Variants in KCNIP4 observed in about 807,000 individuals in gnomAD.
KCNIP4 encodes the protein Kv channel-interacting protein 4.
Under a neutral mutation model 34.0 loss-of-function variants are expected in KCNIP4, and 12 were observed. The observed-to-expected ratio is 0.35, with a 90% CI of 0.23 to 0.57. The LOEUF (loss-of-function observed/expected upper bound fraction) is 0.57. Among genes scored for constraint, KCNIP4 ranks in the 20% least tolerant of loss-of-function variants. KCNIP4 has a pLI of 0.83. For synonymous variants in KCNIP4, 124 were observed against 102.2 expected (o/e 1.21, Z -1.29); for missense variants, 238 against 311.7 (o/e 0.76, Z 1.78).
At chr4:20,955,065 T>C (rs1174035632) in intron 1 of KCNIP4, among the ~76,000 whole-genome samples, 4 of 152,074 alleles carry the variant, frequency 2.6e-5, no homozygotes, top group Non-Finnish European at 4.4e-5. Context: ...GGAAGCATAG[T>C]TCTGTGATTG....
At chr4:21,686,370 G>A (rs904067255) in intron 1 of KCNIP4, among the ~76,000 whole-genome samples, 8 of 151,942 alleles carry the variant, frequency 5.3e-5, no homozygotes, top group Non-Finnish European at 1.0e-4. Context: ...CAGCCAAGGC[G>A]GTATCTGTTT....
At chr4:20,736,761 G>A (rs914533102) in intron 5 of KCNIP4, among the ~76,000 whole-genome samples, 1 of 152,100 alleles carries the variant, frequency 6.6e-6, no homozygotes, top group African/African-American at 2.4e-5. Context: ...TATCAAGAAT[G>A]GCCACAGACC....
chr4:21,918,390 A>G (rs1728753799), intron 1 of KCNIP4, among the ~76,000 whole-genome samples: 2 of 152,188 alleles, frequency 1.3e-5, no homozygotes, highest in Admixed American at 6.5e-5. Context: ...AGATTGGACA[A>G]CTAGTTCTTT....
intron 1 of KCNIP4, among the ~76,000 whole-genome samples, chr4:21,502,947 C>A (rs997670480): frequency 6.6e-6 from 1 of 152,080 alleles, no homozygotes; most frequent in South Asian, 2.1e-4. Flanking sequence ...GGATAAACAC[C>A]TTCTGTTTTC....
chr4:21,022,968 A>G lies in KCNIP4; in HGVS notation c.62-140259T>C, dbSNP rs369128386. ...CTCCTGAGTACCTGGGATTACAGGC[A>G]CACACCACCATGCCTGGCTAATTTT... On this transcript the variant is annotated intron_variant, in intron 1 of 8. Transcript: ENST00000382152. Among the ~76,000 whole-genome samples, 306 of 152,108 alleles carry G rather than the reference A, an allele frequency of 2.0e-3. 7 individuals carry two copies. The South Asian group carries it at 0.053, about 26-fold the overall frequency.
At chr4:20,744,149 T>G (rs1016582864) in intron 5 of KCNIP4, among the ~76,000 whole-genome samples, 3 of 150,994 alleles carry the variant, frequency 2.0e-5, no homozygotes, top group Non-Finnish European at 2.9e-5. Context: ...ATAGGAACAC[T>G]TTTGCACTGT....
chr4:20,959,883 C>T (rs1411606840), intron 1 of KCNIP4, among the ~76,000 whole-genome samples: 1 of 152,098 alleles, frequency 6.6e-6, no homozygotes, highest in Admixed American at 6.6e-5. Flanking sequence ...TGGGAATATC[C>T]ACTTCTTTGA....
intron 1 of KCNIP4, among the ~76,000 whole-genome samples, chr4:21,925,379 C>T (rs940001602): frequency 3.3e-5 from 5 of 152,032 alleles, no homozygotes; most frequent in Non-Finnish European, 7.4e-5. Flanking sequence ...TGATGGTTTC[C>T]AGTTTCATCC....
At chr4:20,833,583 T>C (rs1718684349) in intron 3 of KCNIP4, among the ~76,000 whole-genome samples, 2 of 152,306 alleles carry the variant, frequency 1.3e-5, no homozygotes, top group South Asian at 4.1e-4. Flanking sequence ...ATGGTTCTCA[T>C]AACTTAACTC....
chr4:21,428,199 C>T (rs954271763), intron 1 of KCNIP4, among the ~76,000 whole-genome samples: 1 of 152,118 alleles, frequency 6.6e-6, no homozygotes, highest in Non-Finnish European at 1.5e-5. Flanking sequence ...AGGCATAGTG[C>T]TGTCTCTGTC....
At chr4:21,370,848 TATAC>T (rs1560338092) in intron 1 of KCNIP4, among the ~76,000 whole-genome samples, 10 of 21,440 alleles carry the variant, frequency 4.7e-4, no homozygotes, top group Non-Finnish European at 6.7e-4. Flanking sequence ...TATATATATA[TATAC>T]ACACACACAC....
intron 8 of KCNIP4, 41 bp from the exon 9 acceptor site, chr4:20,730,170 T>A (rs1747641554): frequency 6.3e-7 from 1 of 1,582,232 alleles, no homozygotes; most frequent in African/African-American, 1.4e-5. Context: ...TCAGCATATC[T>A]GCAAGGAAAA....
intron 1 of KCNIP4, among the ~76,000 whole-genome samples, chr4:20,893,990 C>T (rs954329533): frequency 2.6e-4 from 40 of 152,120 alleles, no homozygotes; most frequent in African/African-American, 9.4e-4. Context: ...AAGCAATTCA[C>T]CTTCCTCAGC....
At chr4:20,882,234 A>G (rs774945296) in intron 2 of KCNIP4, among the ~76,000 whole-genome samples, 7 of 152,206 alleles carry the variant, frequency 4.6e-5, no homozygotes, top group Non-Finnish European at 8.8e-5. Flanking sequence ...CACTGGGATT[A>G]TAGACCCAGT....
At chr4:21,439,587 G>T (rs1000948767) in intron 1 of KCNIP4, among the ~76,000 whole-genome samples, 1 of 152,182 alleles carries the variant, frequency 6.6e-6, no homozygotes, top group African/African-American at 2.4e-5. Context: ...GCCAATGGGA[G>T]GTAAACAGGA....
intron 1 of KCNIP4, among the ~76,000 whole-genome samples, chr4:21,756,086 C>T (rs1173798289): frequency 6.6e-6 from 1 of 152,144 alleles, no homozygotes; most frequent in Non-Finnish European, 1.5e-5. Context: ...AAAGAAATAT[C>T]AACTGATACT....
chr4:21,474,529 C>T (rs979022943), intron 1 of KCNIP4, among the ~76,000 whole-genome samples: 23 of 152,268 alleles, frequency 1.5e-4, no homozygotes, highest in African/African-American at 5.3e-4. Flanking sequence ...AGTCTCCCTA[C>T]TCTCCCTTCC....
chr4:21,527,774 T>C (rs1043249521), intron 1 of KCNIP4, among the ~76,000 whole-genome samples: 1 of 152,164 alleles, frequency 6.6e-6, no homozygotes, highest in South Asian at 2.1e-4. Context: ...GACAATCACA[T>C]TAAATATTGT....
chr4:21,301,997 C>T (rs1483084987), intron 1 of KCNIP4, among the ~76,000 whole-genome samples: 4 of 152,080 alleles, frequency 2.6e-5, no homozygotes, highest in African/African-American at 7.2e-5. Context: ...ATAATTACTT[C>T]CTAACAATCA....
Sources: allele counts gnomAD v4.1 joint callset (sites outside exome capture counted in the v4.1 genomes callset), GRCh38; gene constraint gnomAD v4.1.1; transcripts MANE v1.5; gene names NCBI Gene and HGNC (gene_info 2026-07-23, HGNC 2026-07-21).